ANXA4: variants seen among roughly 807,000 people sequenced by gnomAD.
The protein encoded by ANXA4 is 35-beta calcimedin.
ANXA4 carries 39 observed loss-of-function variants against 49.8 expected under a neutral mutation model. The observed-to-expected ratio is 0.78, with a 90% confidence interval of 0.61 to 1.02. The LOEUF (loss-of-function observed/expected upper bound fraction) is 1.02. ANXA4 is among the 50% of genes least tolerant of loss of function. The pLI, the probability that ANXA4 is intolerant of heterozygous loss-of-function variation, is 0.00. For missense variants in ANXA4, 360 were observed against 410.1 expected (o/e 0.88, Z 1.05); for synonymous variants, 134 against 152.5 (o/e 0.88, Z 0.89).
chr2:69,822,158 C>T (rs1014687568), intron 12 of ANXA4, among the ~76,000 whole-genome samples: 1 of 151,974 alleles, frequency 6.6e-6, no homozygotes, highest in Admixed American at 6.6e-5. Context: ...CCCGGGAGTT[C>T]GAGACCAGCC....
chr2:69,752,214 G>A (rs1304689900), intron 1 of ANXA4, among the ~76,000 whole-genome samples: 1 of 152,146 alleles, frequency 6.6e-6, no homozygotes, highest in South Asian at 2.1e-4. Context: ...GGAGATGGAG[G>A]TTCCTTAGAA....
chr2:69,668,393 CT>C (rs1390200291), intron 2 of ANXA4, among the ~76,000 whole-genome samples: 2 of 152,100 alleles, frequency 1.3e-5, no homozygotes, highest in African/African-American at 2.4e-5. Context: ...GGGAGGATTG[CT>C]TGAGCCCAGG....
intron 2 of ANXA4, among the ~76,000 whole-genome samples, chr2:69,654,510 A>G (rs1271491610): frequency 6.6e-6 from 1 of 152,168 alleles, no homozygotes; most frequent in Non-Finnish European, 1.5e-5. Flanking sequence ...GTTGAAATTT[A>G]TTGAAGGCCC....
At chr2:69,810,516 G>A in intron 6 of ANXA4, 78 bp from the exon 7 acceptor site, 1 of 1,216,370 alleles carries the variant, frequency 8.2e-7, no homozygotes, top group South Asian at 1.2e-5. Flanking sequence ...GTCTTGAGGG[G>A]ACAGATTGCT....
At chr2:69,718,319 TA>T (rs1669707810) in intron 2 of ANXA4, among the ~76,000 whole-genome samples, 1 of 152,168 alleles carries the variant, frequency 6.6e-6, no homozygotes, top group African/African-American at 2.4e-5. Flanking sequence ...GATTGCAATA[TA>T]AATGGCACCC....
rs745343869 is a variant in ANXA4, at chr2:69,816,169, C to T, written c.603C>T (p.Ser201=). Reference sequence around the variant, plus strand: ...TGAAATTTCTAACTGTTCTCTGTTCCCGGAACCGAAATCACCTGTTGCATG... The same window carrying T: ...TGAAATTTCTAACTGTTCTCTGTTCTCGGAACCGAAATCACCTGTTGCATG... ...DEVKFLTVLC[S]RNRNHLLHVF... is the part of the protein sequence containing the mutation. The change falls in exon 9 of 13, where the codon TCC becomes TCT. Residue 201 remains serine (S), a synonymous_variant. Coordinates refer to ENST00000394295, the MANE Select transcript of ANXA4 (RefSeq NM_001153.5). 2 of 1,614,066 alleles carry T rather than the reference C, an allele frequency of 1.2e-6. No homozygotes were observed. Among genetic ancestry groups the T allele is most frequent in the South Asian group, 2.2e-5 (2 of 91,078 alleles).
At chr2:69,818,762 A>G in intron 10 of ANXA4, 68 bp downstream of exon 10, 1 of 954,348 alleles carries the variant, frequency 1.0e-6, no homozygotes, top group East Asian at 2.5e-5. Context: ...AGTTTGCAAT[A>G]TGGGGATATA....
chr2:69,787,989 G>T (rs1198181545), intron 2 of ANXA4, 65 bp from the exon 3 acceptor site: 1 of 1,389,618 alleles, frequency 7.2e-7, no homozygotes, highest in South Asian at 1.2e-5. Context: ...AATGTTTGCC[G>T]AATGAGATGC....
chr2:69,708,243 C>T (rs1222356430), intron 2 of ANXA4, among the ~76,000 whole-genome samples: 1 of 152,222 alleles, frequency 6.6e-6, no homozygotes, highest in Non-Finnish European at 1.5e-5. Flanking sequence ...TTCCCCCCTT[C>T]CTCTCAGTGA....
chr2:69,665,558 G>A (rs189518499), intron 2 of ANXA4, among the ~76,000 whole-genome samples: 1 of 152,192 alleles, frequency 6.6e-6, no homozygotes, highest in African/African-American at 2.4e-5. Context: ...CAATAGACAA[G>A]CAGAACATTT....
At chr2:69,726,813 G>A (rs903021431) in intron 3 of ANXA4, among the ~76,000 whole-genome samples, 2 of 152,176 alleles carry the variant, frequency 1.3e-5, no homozygotes, top group Non-Finnish European at 2.9e-5. Flanking sequence ...TGTACTTGTA[G>A]TTTGATATTT....
At chr2:69,815,328 A>C (rs1206691830) in intron 8 of ANXA4, 1 of 152,136 alleles carries the variant, frequency 6.6e-6, no homozygotes, top group Admixed American at 6.5e-5. Context: ...ATGTGAATTG[A>C]CTCTAAAGCA....
chr2:69,820,973 C>A, intron 12 of ANXA4, 152 bp downstream of exon 12: 1 of 920,604 alleles, frequency 1.1e-6, no homozygotes, highest in Non-Finnish European at 1.5e-6. Context: ...CTCTTTCACA[C>A]AGATATTTAA....
At chr2:69,653,223 G>A (rs1422288834) in exon 2 of ANXA4, 2 of 152,210 alleles carry the variant, frequency 1.3e-5, no homozygotes, top group Admixed American at 1.3e-4. Flanking sequence ...CCACGCTACC[G>A]AAAGTGTTGA....
chr2:69,820,884 A>G, intron 12 of ANXA4, 63 bp downstream of exon 12: 1 of 1,538,222 alleles, frequency 6.5e-7, no homozygotes, highest in South Asian at 1.2e-5. Flanking sequence ...TGACCTTGGC[A>G]TTTAGCACTT....
chr2:69,743,300 C>T (rs1670476064), intron 1 of ANXA4, among the ~76,000 whole-genome samples: 1 of 152,152 alleles, frequency 6.6e-6, no homozygotes, highest in Non-Finnish European at 1.5e-5. Flanking sequence ...TCACTGCAAC[C>T]TCCGCCTTCT....
At chr2:69,660,191 C>T (rs2105322091) in intron 2 of ANXA4, among the ~76,000 whole-genome samples, 1 of 152,258 alleles carries the variant, frequency 6.6e-6, no homozygotes, top group African/African-American at 2.4e-5. Flanking sequence ...TCATTAAAAA[C>T]CCAGACCTGC....
At chr2:69,762,196 C>T (rs1280838539) in intron 1 of ANXA4, among the ~76,000 whole-genome samples, 9 of 152,150 alleles carry the variant, frequency 5.9e-5, no homozygotes, top group Admixed American at 5.9e-4. Flanking sequence ...GCTGGTGGCA[C>T]CATATTGGGG....
At chr2:69,779,869 C>G (rs1471272418) in intron 1 of ANXA4, among the ~76,000 whole-genome samples, 1 of 152,206 alleles carries the variant, frequency 6.6e-6, no homozygotes, top group Non-Finnish European at 1.5e-5. Context: ...TCATTCCCAC[C>G]TCTGTACCTT....
Sources: allele counts gnomAD v4.1 joint callset (sites outside exome capture counted in the v4.1 genomes callset), GRCh38; gene constraint gnomAD v4.1.1; transcripts MANE v1.5; gene names NCBI Gene and HGNC (gene_info 2026-07-23, HGNC 2026-07-21).